Variants in NREP observed in about 807,000 individuals in gnomAD.
NREP encodes the protein neuronal regeneration-related protein.
A neutral mutation model predicts 8.6 loss-of-function variants in NREP; 5 were observed. That is an observed-to-expected ratio of 0.58 (90% CI 0.30 to 1.22). The LOEUF is 1.22. Ranked by LOEUF, NREP falls within the 50% of genes most tolerant of loss-of-function variation. NREP has a pLI of 0.07. For synonymous variants in NREP, 27 were observed against 28.0 expected, an observed-to-expected ratio of 0.96 and a Z score of 0.11; for missense variants, 86 against 82.5, an observed-to-expected ratio of 1.04 and a Z score of -0.17.
intron 2 of NREP, among the ~76,000 whole-genome samples, chr5:111,810,649 T>C (rs896155249): frequency 4.6e-5 from 7 of 152,214 alleles, no homozygotes; most frequent in African/African-American, 1.4e-4. Context: ...TTTCAACCTA[T>C]AGAACCACAA....
chr5:111,869,448 C>T (rs1416132238), intron 2 of NREP, among the ~76,000 whole-genome samples: 3 of 152,190 alleles, frequency 2.0e-5, no homozygotes, highest in African/African-American at 7.2e-5. Context: ...CCCAATCGTA[C>T]AGCTGCTTTT....
At chr5:111,788,356 G>C (rs1751662929) in intron 2 of NREP, among the ~76,000 whole-genome samples, 1 of 152,126 alleles carries the variant, frequency 6.6e-6, no homozygotes, top group Non-Finnish European at 1.5e-5. Flanking sequence ...AAATATTTTG[G>C]ACGAAGTGTT....
At chr5:111,745,023 T>G (rs1322900245) in intron 2 of NREP, among the ~76,000 whole-genome samples, 1 of 152,124 alleles carries the variant, frequency 6.6e-6, no homozygotes, top group East Asian at 1.9e-4. Context: ...ACAGAGTATG[T>G]AAATTCGGGA....
chr5:111,791,245 G>T (rs529598596), intron 2 of NREP, among the ~76,000 whole-genome samples: 1 of 152,136 alleles, frequency 6.6e-6, no homozygotes, highest in Admixed American at 6.5e-5. Context: ...AATCTGCTCA[G>T]CAATTTTCAA....
At chr5:111,743,276 A>T (rs963481385) in intron 2 of NREP, among the ~76,000 whole-genome samples, 2 of 151,996 alleles carry the variant, frequency 1.3e-5, no homozygotes, top group Non-Finnish European at 2.9e-5. Flanking sequence ...AAAAAAAAAA[A>T]ATCAGCCTTT....
At chr5:111,909,214 A>C in intron 2 of NREP, among the ~76,000 whole-genome samples, 1 of 151,850 alleles carries the variant, frequency 6.6e-6, no homozygotes, top group East Asian at 1.9e-4. Flanking sequence ...CTGCCATAAG[A>C]GATAATTAAG....
At chr5:111,954,415 A>G (rs185949282) in intron 2 of NREP, among the ~76,000 whole-genome samples, 2 of 152,286 alleles carry the variant, frequency 1.3e-5, no homozygotes, top group African/African-American at 4.8e-5. Context: ...GAGGTTGTCA[A>G]TGTTATCATT....
At chr5:111,918,357 T>C (rs558498107) in intron 2 of NREP, among the ~76,000 whole-genome samples, 1 of 152,310 alleles carries the variant, frequency 6.6e-6, no homozygotes, top group East Asian at 1.9e-4. Flanking sequence ...AAAAAACTAC[T>C]TTAAATTTTA....
chr5:111,734,143 C>T (rs1190237529), intron 3 of NREP: 2 of 152,460 alleles, frequency 1.3e-5, no homozygotes, highest in African/African-American at 4.8e-5. Context: ...CCACTGAACT[C>T]ATCAAGGAAC....
chr5:111,792,088 C>T (rs1464041417), intron 2 of NREP, among the ~76,000 whole-genome samples: 1 of 152,124 alleles, frequency 6.6e-6, no homozygotes, highest in African/African-American at 2.4e-5. Flanking sequence ...TGTGAAGAAA[C>T]TATCTGTTTC....
At chr5:111,830,121 C>G (rs902383856) in intron 2 of NREP, among the ~76,000 whole-genome samples, 2 of 152,122 alleles carry the variant, frequency 1.3e-5, no homozygotes, top group Admixed American at 1.3e-4. Flanking sequence ...ACAACTTTGT[C>G]AACTTTCTTA....
intron 2 of NREP, among the ~76,000 whole-genome samples, chr5:111,860,712 A>G (rs1753525831): frequency 6.6e-6 from 1 of 152,188 alleles, no homozygotes; most frequent in African/African-American, 2.4e-5. Context: ...AATAGACACC[A>G]TTTAAAAATG....
intron 2 of NREP, chr5:111,738,846 G>C (rs1358047178): frequency 1.3e-5 from 2 of 152,210 alleles, no homozygotes; most frequent in Non-Finnish European, 2.9e-5. Context: ...GACATCATCA[G>C]GGTGGGCCCT....
chr5:111,763,355 G>A (rs1394860444), intron 2 of NREP, among the ~76,000 whole-genome samples: 1 of 152,184 alleles, frequency 6.6e-6, no homozygotes, highest in Non-Finnish European at 1.5e-5. Context: ...CAACCTACAT[G>A]ACTCTATAAA....
chr5:111,755,808 C>G lies in NREP; in HGVS notation c.-36G>C, dbSNP rs1561651212. 6.2e-7 allele frequency: 1 copy of G among 1,613,460 alleles called. No individual in the cohort carries two copies. ...TTAGTCTTGGGCTTCTATTCTCCCT[C>G]TCTTCAGTCCAGGGAGACCAACCTG... On this transcript the variant is annotated 5_prime_UTR_variant, in exon 2 of 4. Transcript: ENST00000257435.
At chr5:111,746,875 C>T (rs1208383047) in intron 2 of NREP, among the ~76,000 whole-genome samples, 8 of 152,156 alleles carry the variant, frequency 5.3e-5, no homozygotes, top group Non-Finnish European at 1.0e-4. Flanking sequence ...TGCTTTTAAA[C>T]GGTGGGTACA....
intron 2 of NREP, among the ~76,000 whole-genome samples, chr5:111,914,456 C>T (rs771228363): frequency 1.7e-4 from 26 of 152,114 alleles, no homozygotes; most frequent in Non-Finnish European, 3.2e-4. Context: ...CCACAAGTTA[C>T]TTCCTCCTTC....
intron 2 of NREP, among the ~76,000 whole-genome samples, chr5:111,809,948 T>C (rs972914314): frequency 6.6e-6 from 1 of 151,364 alleles, no homozygotes; most frequent in African/African-American, 2.4e-5. Context: ...TAACAGCAAA[T>C]CTCTAGACTA....
intron 2 of NREP, among the ~76,000 whole-genome samples, chr5:111,763,063 G>A (rs1012964573): frequency 3.9e-5 from 6 of 152,122 alleles, no homozygotes; most frequent in Non-Finnish European, 5.9e-5. Flanking sequence ...AAAGGAAACC[G>A]ATTTACAATT....
Sources: allele counts gnomAD v4.1 joint callset (sites outside exome capture counted in the v4.1 genomes callset), GRCh38; gene constraint gnomAD v4.1.1; transcripts MANE v1.5; gene names NCBI Gene and HGNC (gene_info 2026-07-23, HGNC 2026-07-21).